Variants in SNRNP48 observed in about 807,000 individuals in gnomAD.
SNRNP48 encodes the protein small nuclear ribonucleoprotein U11/U12 subunit 48.
Under a neutral mutation model 47.0 loss-of-function variants are expected in SNRNP48, and 43 were observed. That is an observed-to-expected ratio of 0.92 (90% CI 0.72 to 1.18). SNRNP48 has a LOEUF of 1.18. Among genes scored for constraint, SNRNP48 ranks in the 50% most tolerant of loss-of-function variants. The pLI, the probability that SNRNP48 is intolerant of heterozygous loss-of-function variation, is 0.00. For missense variants in SNRNP48, 396 were observed against 422.2 expected (o/e 0.94, Z 0.54); for synonymous variants, 138 against 144.0 (o/e 0.96, Z 0.30).
chr6:7,598,524 T>A (rs1759950339), intron 4 of SNRNP48, among the ~76,000 whole-genome samples: 1 of 152,116 alleles, frequency 6.6e-6, no homozygotes. Context: ...TTTTTTTATA[T>A]CCTCTGTAGA....
intron 3 of SNRNP48, among the ~76,000 whole-genome samples, chr6:7,594,791 A>G (rs1759873857): frequency 6.6e-6 from 1 of 152,204 alleles, no homozygotes; most frequent in Admixed American, 6.5e-5. Context: ...TGTCGCTGCT[A>G]CTGCTGCGTG....
chr6:7,606,273 T>C lies in SNRNP48; in HGVS notation c.971+78T>C, dbSNP rs1288760675. On this transcript the variant is annotated intron_variant, in intron 8 of 8. Transcript: ENST00000342415. ...GAACAGGTTCTTCTGTTGTAGACCA[T>C]GCTGAGAAAATAGATTTTAAGAATA... is the stretch of plus-strand genomic sequence containing the variant. 5 of 1,360,890 alleles carry C rather than the reference T, an allele frequency of 3.7e-6. No individual in the cohort carries two copies. In the African/African-American group the frequency reaches 7.4e-5, roughly 20 times the overall value. 84.3% of individuals were successfully genotyped at this position (1,360,890 alleles called of 1,614,324 possible).
Position 7,605,504 on chromosome 6 carries a change from T to A in SNRNP48, c.806+18T>A. On this transcript the variant is annotated intron_variant, in intron 7 of 8. Coordinates refer to ENST00000342415, the MANE Select transcript of SNRNP48 (RefSeq NM_152551.4). ...GCCGAAAAGTACGTCATTATCTTTA[T>A]TGGTGAAAATACTCTCTCTTTGATA... The A allele has an allele frequency of 1.3e-6, 2 of 1,598,480 alleles. No individual in the cohort carries two copies. The highest frequency in any genetic ancestry group is 1.3e-5 in the African/African-American group (1 of 74,740).
intron 4 of SNRNP48, among the ~76,000 whole-genome samples, chr6:7,597,443 A>G (rs985147513): frequency 2.6e-5 from 4 of 152,212 alleles, no homozygotes; most frequent in Non-Finnish European, 4.4e-5. Flanking sequence ...GTTTTAAAGA[A>G]ATAAAAGTAG....
chr6:7,602,651 C>T lies in SNRNP48; in HGVS notation c.624C>T (p.Tyr208=). ...ATAGTCGAAAAAGTCCAAAATCCTACCTTGAAATCCTGGCAGAAGTACGAG... is the reference window on the plus strand; with the variant it reads ...ATAGTCGAAAAAGTCCAAAATCCTATCTTGAAATCCTGGCAGAAGTACGAG... The part of the protein sequence containing the change: ...QDNSRKSPKS[Y]LEILAEVRDY... Residue 208 remains tyrosine, a synonymous_variant, in exon 6 of 9, where the codon TAC becomes TAT. Transcript: ENST00000342415. 1 of 1,603,374 alleles carries T rather than the reference C, an allele frequency of 6.2e-7. No homozygotes were observed. The highest frequency in any genetic ancestry group is 8.5e-7 in the Non-Finnish European group (1 of 1,175,934).
chr6:7,599,299 A>C (rs1217101605), intron 4 of SNRNP48, among the ~76,000 whole-genome samples: 1 of 152,214 alleles, frequency 6.6e-6, no homozygotes, highest in African/African-American at 2.4e-5. Flanking sequence ...TTATTAAAAC[A>C]ATAGATTAGA....
intron 3 of SNRNP48, among the ~76,000 whole-genome samples, chr6:7,594,755 G>A (rs1202075148): frequency 6.6e-6 from 1 of 152,208 alleles, no homozygotes; most frequent in East Asian, 1.9e-4. Flanking sequence ...CTTCAAGAAT[G>A]TTAGCTATTA....
chr6:7,605,642 A>G (rs1415090822), intron 7 of SNRNP48, among the ~76,000 whole-genome samples, 156 bp downstream of exon 7: 1 of 152,212 alleles, frequency 6.6e-6, no homozygotes, highest in Non-Finnish European at 1.5e-5. Context: ...GCCCAGGGTT[A>G]TTGTACCAGA....
intron 1 of SNRNP48, among the ~76,000 whole-genome samples, chr6:7,591,773 A>G (rs1759822984): frequency 6.6e-6 from 1 of 152,238 alleles, no homozygotes; most frequent in Admixed American, 6.5e-5. Context: ...ATAGACGAGG[A>G]AAGGAACACA....
chr6:7,599,171 C>G (rs1420971257), intron 4 of SNRNP48, among the ~76,000 whole-genome samples: 1 of 152,144 alleles, frequency 6.6e-6, no homozygotes, highest in East Asian at 1.9e-4. Flanking sequence ...TGAATGAATT[C>G]TCCCTAAAAT....
intron 4 of SNRNP48, among the ~76,000 whole-genome samples, chr6:7,597,125 AT>A (rs1305004586): frequency 3.3e-5 from 5 of 152,212 alleles, no homozygotes; most frequent in African/African-American, 1.2e-4. Flanking sequence ...GTTGAACGAT[AT>A]TTTCCCCTCC....
Position 7,608,882 on chromosome 6 carries a change from C to T in SNRNP48, c.*9C>T. 2 of 1,447,018 alleles carry T rather than the reference C, an allele frequency of 1.4e-6. No individual in the cohort carries two copies. Among genetic ancestry groups the T allele is most frequent in the East Asian group, 2.4e-5 (1 of 41,994 alleles). 89.6% of individuals were successfully genotyped at this position (1,447,018 alleles called of 1,614,324 possible). A position where few individuals can be genotyped will look rare whatever the true frequency, so the allele number is the denominator to read the frequency against. On this transcript the variant is annotated 3_prime_UTR_variant, in exon 9 of 9. Coordinates refer to ENST00000342415, the MANE Select transcript of SNRNP48 (RefSeq NM_152551.4). Reference sequence around the variant, plus strand: ...GAAAGCAAAAAATATAAATGAAGTACTTGTACCTATATTAATTATGCTTAC... The same window carrying T: ...GAAAGCAAAAAATATAAATGAAGTATTTGTACCTATATTAATTATGCTTAC...
intron 4 of SNRNP48, chr6:7,600,276 A>C: frequency 1.2e-6 from 1 of 846,440 alleles, no homozygotes; most frequent in Non-Finnish European, 1.4e-6. Flanking sequence ...TGTAATGCTT[A>C]GTTCATAGTA....
At chr6:7,605,135 T>G (rs1284050555) in intron 6 of SNRNP48, among the ~76,000 whole-genome samples, 4 of 152,216 alleles carry the variant, frequency 2.6e-5, no homozygotes, top group Non-Finnish European at 5.9e-5. Context: ...ATGTATTTCC[T>G]AAGAACAGAG....
At chr6:7,599,932 CTTTG>C in intron 4 of SNRNP48, 2 of 993,040 alleles carry the variant, frequency 2.0e-6, no homozygotes, top group Middle Eastern at 4.9e-4. Context: ...AATTATATTT[CTTTG>C]TTTAAAAATA....
intron 6 of SNRNP48, 149 bp from the exon 7 acceptor site, chr6:7,605,249 C>T (rs1760103574): frequency 1.8e-5 from 11 of 604,588 alleles, no homozygotes; most frequent in Non-Finnish European, 2.9e-5. Context: ...ATTGCCTTTT[C>T]TGTGTTCTCT....
In SNRNP48 at chr6:7,608,852, A is replaced by G. The variant is rs1760180478; in HGVS notation, c.999A>G (p.Lys333=). 1 of 1,524,588 alleles carries G rather than the reference A, an allele frequency of 6.6e-7. No homozygotes were observed. Among genetic ancestry groups the G allele is most frequent in the East Asian group, 2.3e-5 (1 of 43,216 alleles). The allele number at this position is 1,524,588 out of a possible 1,614,324, so 94.4% of individuals were successfully genotyped here. The change falls in exon 9 of 9, where the codon AAA becomes AAG. Residue 333 remains lysine, a synonymous_variant. Transcript: ENST00000342415. The part of the protein sequence containing the change: ...ERDGERHHSH[K]RRKQKI ...ATGGGGAAAGACACCATAGTCATAA[A>G]AGAAGAAAGCAAAAAATATAAATGA...
At position 7,593,876 on chromosome 6, in the gene SNRNP48, C is replaced by T. The variant is rs1293264366; in HGVS notation, c.270+29C>T. 2.9e-6 allele frequency: 4 copies of T among 1,392,560 alleles called. No homozygotes were observed. The African/African-American group carries it at 4.4e-5, about 15-fold the overall frequency. 86.3% of individuals were successfully genotyped at this position (1,392,560 alleles called of 1,614,324 possible). On this transcript the variant is annotated intron_variant, in intron 2 of 8. Coordinates refer to ENST00000342415, the MANE Select transcript of SNRNP48 (RefSeq NM_152551.4). ...CCATATATTTACTATATTATATATA[C>T]ATATATGTCATGCATTTTACACATT...
rs182913383 is a variant in SNRNP48 at position 7,594,693 on chromosome 6, C to T, written c.332-334C>T. On this transcript the variant is annotated intron_variant, in intron 3 of 8. Coordinates refer to ENST00000342415, the MANE Select transcript of SNRNP48 (RefSeq NM_152551.4). ...AATATTCTTAGAATAGTGTCAGGCA[C>T]TTAGCTGGAGTCAGCTAGAGGGTCA... 5.2e-4 allele frequency among the ~76,000 whole-genome samples: 79 copies of T among 152,348 alleles called. No individual in the cohort carries two copies. In the East Asian group the frequency reaches 0.014, roughly 27 times the overall value.
Sources: allele counts gnomAD v4.1 joint callset (sites outside exome capture counted in the v4.1 genomes callset), GRCh38; gene constraint gnomAD v4.1.1; transcripts MANE v1.5; gene names NCBI Gene and HGNC (gene_info 2026-07-23, HGNC 2026-07-21).